Variants in TRUB1 observed in about 807,000 individuals in gnomAD.
TRUB1 encodes pseudouridylate synthase TRUB1.
Under a neutral mutation model 33.9 loss-of-function variants are expected in TRUB1, and 23 were observed. The observed-to-expected ratio is 0.68, with a 90% CI of 0.49 to 0.96. The LOEUF is 0.96. Ranked by LOEUF, TRUB1 falls within the 40% of genes least tolerant of loss-of-function variation. The probability of loss-of-function intolerance (pLI) is 0.00; values close to 1 mark genes in which losing one functional copy is unlikely to be tolerated. For missense variants in TRUB1, 378 were observed against 422.2 expected (o/e 0.90, Z 0.92); for synonymous variants, 163 against 165.4 (o/e 0.99, Z 0.11).
intron 1 of TRUB1, 56 bp downstream of exon 1, chr10:114,938,595 C>T (rs2084171073): frequency 6.1e-6 from 9 of 1,470,742 alleles, no homozygotes; most frequent in Non-Finnish European, 8.1e-6. Context: ...AGGGGAAGCA[C>T]ATTAGGCTTT....
At chr10:114,940,133 G>T (rs2084179802) in intron 1 of TRUB1, among the ~76,000 whole-genome samples, 1 of 151,970 alleles carries the variant, frequency 6.6e-6, no homozygotes, top group South Asian at 2.1e-4. Context: ...TTTTGTTTTT[G>T]TTTTTGAGAT....
intron 2 of TRUB1, among the ~76,000 whole-genome samples, chr10:114,945,161 CAT>C (rs2084206148): frequency 6.6e-6 from 1 of 152,184 alleles, no homozygotes; most frequent in Admixed American, 6.5e-5. Context: ...TGTTCACTGT[CAT>C]AGAATTAGTG....
At chr10:114,940,721 T>A (rs953211264) in intron 1 of TRUB1, among the ~76,000 whole-genome samples, 1 of 152,192 alleles carries the variant, frequency 6.6e-6, no homozygotes, top group Non-Finnish European at 1.5e-5. Context: ...AAAGGGAAGA[T>A]AGTATATTTA....
chr10:114,965,504 G>A (rs2084303528), intron 4 of TRUB1, among the ~76,000 whole-genome samples: 1 of 152,150 alleles, frequency 6.6e-6, no homozygotes, highest in South Asian at 2.1e-4. Flanking sequence ...GTGTTTGAGT[G>A]AGATTGCCCT....
chr10:114,954,692 T>TG (rs1388700594), intron 3 of TRUB1, among the ~76,000 whole-genome samples: 1 of 152,110 alleles, frequency 6.6e-6, no homozygotes, highest in Admixed American at 6.5e-5. Context: ...ATGTGTATAA[T>TG]GTGTGTGAAA....
At chr10:114,944,553 G>A (rs1011217040) in intron 2 of TRUB1, among the ~76,000 whole-genome samples, 15 of 152,106 alleles carry the variant, frequency 9.9e-5, no homozygotes, top group African/African-American at 3.4e-4. Flanking sequence ...CAGCTACTCG[G>A]GAGGCTGAGG....
At chr10:114,966,121 T>C (rs976994957) in intron 4 of TRUB1, among the ~76,000 whole-genome samples, 3 of 152,170 alleles carry the variant, frequency 2.0e-5, no homozygotes, top group Non-Finnish European at 2.9e-5. Flanking sequence ...AGTGAACATA[T>C]TTATCATCAT....
At chr10:114,944,443 G>A (rs560398732) in intron 2 of TRUB1, among the ~76,000 whole-genome samples, 2 of 152,128 alleles carry the variant, frequency 1.3e-5, no homozygotes, top group Non-Finnish European at 2.9e-5. Context: ...GGTTAAAATA[G>A]AAAAAATCAG....
At chr10:114,944,451 C>A (rs2084202833) in intron 2 of TRUB1, among the ~76,000 whole-genome samples, 1 of 151,992 alleles carries the variant, frequency 6.6e-6, no homozygotes, top group African/African-American at 2.4e-5. Flanking sequence ...TAGAAAAAAT[C>A]AGTTCGAGAC....
At chr10:114,961,319 G>T (rs2084284407) in intron 4 of TRUB1, among the ~76,000 whole-genome samples, 1 of 151,992 alleles carries the variant, frequency 6.6e-6, no homozygotes, top group African/African-American at 2.4e-5. Context: ...CCATGATTAG[G>T]AAGTAAAATT....
intron 2 of TRUB1, among the ~76,000 whole-genome samples, chr10:114,950,243 A>G (rs2084228434): frequency 6.6e-6 from 1 of 152,208 alleles, no homozygotes; most frequent in African/African-American, 2.4e-5. Flanking sequence ...AAAGGAGAGC[A>G]TTTAGAGTAG....
At chr10:114,961,255 A>C (rs1395438924) in intron 4 of TRUB1, among the ~76,000 whole-genome samples, 2 of 152,092 alleles carry the variant, frequency 1.3e-5, no homozygotes, top group Non-Finnish European at 2.9e-5. Context: ...GATGATGGTA[A>C]GTTGGACCAG....
intron 3 of TRUB1, among the ~76,000 whole-genome samples, chr10:114,958,102 G>A (rs993881383): frequency 6.6e-6 from 1 of 152,146 alleles, no homozygotes; most frequent in Non-Finnish European, 1.5e-5. Context: ...AGCTCCAGCC[G>A]GAAAGACTAA....
chr10:114,942,242 C>G (rs2084191137), intron 1 of TRUB1, among the ~76,000 whole-genome samples: 1 of 152,108 alleles, frequency 6.6e-6, no homozygotes, highest in Non-Finnish European at 1.5e-5. Context: ...GGAAGAGATT[C>G]AGAAATGGAA....
At chr10:114,949,073 T>A (rs936879436) in intron 2 of TRUB1, among the ~76,000 whole-genome samples, 2 of 152,206 alleles carry the variant, frequency 1.3e-5, no homozygotes, top group Non-Finnish European at 2.9e-5. Flanking sequence ...TGACACTTAA[T>A]CATATACTAT....
At chr10:114,943,391 G>T (rs2084197593) in intron 2 of TRUB1, among the ~76,000 whole-genome samples, 1 of 152,198 alleles carries the variant, frequency 6.6e-6, no homozygotes, top group African/African-American at 2.4e-5. Context: ...TTGGCTGGGT[G>T]TGGTGGCATG....
At chr10:114,955,487 C>A (rs745683554) in intron 3 of TRUB1, among the ~76,000 whole-genome samples, 4 of 152,192 alleles carry the variant, frequency 2.6e-5, no homozygotes, top group Non-Finnish European at 5.9e-5. Context: ...ACCTCCATAT[C>A]TCTGTGCAGG....
chr10:114,954,646 C>A (rs1221969438), intron 3 of TRUB1, among the ~76,000 whole-genome samples: 1 of 147,226 alleles, frequency 6.8e-6, no homozygotes, highest in Admixed American at 6.8e-5. Context: ...TTTCTCAAGT[C>A]TTTTTTTTTT....
chr10:114,970,363 G>T lies in TRUB1; in HGVS notation c.524-5G>T. On this transcript the variant is annotated splice_region_variant and splice_polypyrimidine_tract_variant and intron_variant, in intron 4 of 7. Coordinates refer to ENST00000298746, the MANE Select transcript of TRUB1 (RefSeq NM_139169.5). The stretch of plus-strand genomic sequence containing the variant: ...TTTAGTGTCTTTTTTGTTGATTTTT[G>T]GCAGATAAAATAACACAAGAAGATA... 6.3e-7 allele frequency: 1 copy of T among 1,596,568 alleles called. No individual in the cohort carries two copies. Among genetic ancestry groups the T allele is most frequent in the Non-Finnish European group, 8.6e-7 (1 of 1,167,746 alleles).
Sources: allele counts gnomAD v4.1 joint callset (sites outside exome capture counted in the v4.1 genomes callset), GRCh38; gene constraint gnomAD v4.1.1; transcripts MANE v1.5; gene names NCBI Gene and HGNC (gene_info 2026-07-23, HGNC 2026-07-21).